The following DIS3L2 variants were observed in gnomAD, a reference collection of about 807,000 sequenced individuals.
The protein encoded by DIS3L2 is DIS3-like exonuclease 2.
In DIS3L2, 34 loss-of-function variants were observed where a neutral mutation model predicts 97.5. The ratio of observed to expected loss-of-function variants is 0.35; its 90% CI spans 0.27 to 0.46. The LOEUF (loss-of-function observed/expected upper bound fraction) is 0.46. DIS3L2 is among the 20% of genes least tolerant of loss of function. The pLI is 1.00. For missense variants in DIS3L2, 1,038 were observed against 1,146.0 expected (o/e 0.91, Z 1.36); for synonymous variants, 435 against 445.2 (o/e 0.98, Z 0.29).
At chr2:232,031,297 C>G (rs1694796389) in intron 5 of DIS3L2, among the ~76,000 whole-genome samples, 1 of 152,104 alleles carries the variant, frequency 6.6e-6, no homozygotes, top group African/African-American at 2.4e-5. Flanking sequence ...TAATCTGATA[C>G]AGCTAAAGTA....
At chr2:232,114,481 G>C (rs769214975) in intron 6 of DIS3L2, among the ~76,000 whole-genome samples, 3 of 152,166 alleles carry the variant, frequency 2.0e-5, no homozygotes, top group Non-Finnish European at 4.4e-5. Context: ...CATGGATTCA[G>C]GTTGTGATTA....
At chr2:232,206,783 TAGAG>T (rs1692038052) in intron 9 of DIS3L2, among the ~76,000 whole-genome samples, 1 of 152,200 alleles carries the variant, frequency 6.6e-6, no homozygotes, top group African/African-American at 2.4e-5. Context: ...TTAAAGGTAA[TAGAG>T]AGTTGGTTTG....
intron 10 of DIS3L2, among the ~76,000 whole-genome samples, chr2:232,227,418 C>G (rs1215056250): frequency 6.6e-6 from 1 of 152,154 alleles, no homozygotes; most frequent in East Asian, 1.9e-4. Flanking sequence ...AGAGATGCGT[C>G]TCATAGCATT....
At chr2:232,341,420 A>G (rs866277003), downstream of DIS3L2, among the ~76,000 whole-genome samples, 16 of 152,378 alleles carry the variant, frequency 1.1e-4, 1 homozygote, top group Middle Eastern at 0.017. Context: ...TAGTACATAC[A>G]GAATGATCCA....
chr2:232,238,492 C>T lies in DIS3L2; in HGVS notation c.1205-41C>T, dbSNP rs758376014. 7.1e-6 allele frequency: 11 copies of T among 1,551,568 alleles called. No individual in the cohort carries two copies. The Admixed American group carries it at 1.5e-4, about 22-fold the overall frequency. On this transcript the variant is annotated intron_variant, in intron 10 of 20. Transcript: ENST00000325385. ...GGACTCCTGGGAGAGAATGCTGTGG[C>T]CTTCCACGCCAGCCTGATAGTCCTT...
Position 232,015,619 on chromosome 2 carries a change from A to T in DIS3L2, c.158A>T (p.Tyr53Phe), listed in dbSNP as rs755444049. The change falls in exon 3 of 21, where the codon TAC becomes TTC. Residue 53 changes from tyrosine to phenylalanine, a missense_variant. Coordinates refer to ENST00000325385, the MANE Select transcript of DIS3L2 (RefSeq NM_152383.5). ...RGKKKSIFET[Y>F]MSKEDVSEGL... ...AAGAAAAAGAGCATATTTGAAACTT[A>T]CATGTCCAAGGAGGATGTTTCAGAA... 6.2e-7 allele frequency: 1 copy of T among 1,614,026 alleles called. No individual in the cohort carries two copies. Among genetic ancestry groups the T allele is most frequent in the Non-Finnish European group, 8.5e-7 (1 of 1,179,918 alleles).
At chr2:232,341,581 A>G (rs1009896775), downstream of DIS3L2, among the ~76,000 whole-genome samples, 2 of 152,208 alleles carry the variant, frequency 1.3e-5, no homozygotes, top group African/African-American at 4.8e-5. Context: ...GCAGAACTCT[A>G]TCAGGAGGAC....
At chr2:232,184,499 A>T (rs553140763) in intron 9 of DIS3L2, among the ~76,000 whole-genome samples, 1 of 152,266 alleles carries the variant, frequency 6.6e-6, no homozygotes, top group Admixed American at 6.5e-5. Flanking sequence ...AAAATTACAA[A>T]AATTAGCTGG....
chr2:232,177,060 G>GT (rs1369868925), intron 9 of DIS3L2, among the ~76,000 whole-genome samples: 3 of 146,144 alleles, frequency 2.1e-5, no homozygotes, highest in Non-Finnish European at 4.5e-5. Flanking sequence ...GCGGTGTTTG[G>GT]TTTTTTGTTC....
At chr2:232,254,610 T>A (rs1323902464) in intron 12 of DIS3L2, among the ~76,000 whole-genome samples, 1 of 152,210 alleles carries the variant, frequency 6.6e-6, no homozygotes, top group Non-Finnish European at 1.5e-5. Context: ...AAAAGAACTT[T>A]GAGTCTGAAT....
At chr2:231,971,538 C>T (rs967679084) in intron 1 of DIS3L2, among the ~76,000 whole-genome samples, 15 of 152,094 alleles carry the variant, frequency 9.9e-5, no homozygotes, top group Non-Finnish European at 1.3e-4. Flanking sequence ...AGCTCCGCCT[C>T]CCAGGTTCAC....
chr2:232,201,645 T>C (rs1032231201), intron 9 of DIS3L2, among the ~76,000 whole-genome samples: 3 of 152,182 alleles, frequency 2.0e-5, no homozygotes, highest in African/African-American at 4.8e-5. Flanking sequence ...GGTCTATGAA[T>C]TGGGTGATAT....
chr2:232,124,210 A>G (rs1172204375), intron 6 of DIS3L2, among the ~76,000 whole-genome samples: 1 of 152,186 alleles, frequency 6.6e-6, no homozygotes, highest in East Asian at 1.9e-4. Flanking sequence ...AGAAAACACA[A>G]ACAACAGAAG....
At chr2:232,158,332 T>TGTGC (rs1690557339) in intron 8 of DIS3L2, among the ~76,000 whole-genome samples, 1 of 151,974 alleles carries the variant, frequency 6.6e-6, no homozygotes, top group African/African-American at 2.4e-5. Context: ...TGTGTGTGTG[T>TGTGC]GTGCATGTGT....
intron 1 of DIS3L2, among the ~76,000 whole-genome samples, chr2:232,012,871 T>A (rs1272138841): frequency 6.6e-6 from 1 of 152,200 alleles, no homozygotes; most frequent in Non-Finnish European, 1.5e-5. Flanking sequence ...TTCTTGGCAA[T>A]CTTATCCATT....
intron 7 of DIS3L2, among the ~76,000 whole-genome samples, chr2:232,133,864 T>TACTGGTG (rs1698283452): frequency 1.3e-5 from 2 of 151,364 alleles, no homozygotes; most frequent in Non-Finnish European, 2.9e-5. Context: ...GGCACATACC[T>TACTGGTG]GTAATCCCAG....
chr2:232,305,623 C>T (rs11685407), intron 14 of DIS3L2, among the ~76,000 whole-genome samples: 23,351 of 152,002 alleles, frequency 0.15, 2,880 homozygotes, highest in African/African-American at 0.34. Flanking sequence ...CTCACTCTTA[C>T]GTGGTTCATT....
chr2:232,010,480 T>C (rs1200536798), intron 1 of DIS3L2, among the ~76,000 whole-genome samples: 1 of 152,152 alleles, frequency 6.6e-6, no homozygotes, highest in Non-Finnish European at 1.5e-5. Context: ...ATATAAATGG[T>C]TTATTTTTCT....
At position 232,330,760 on chromosome 2, in the gene DIS3L2, G is replaced by A. The variant is rs778990530; in HGVS notation, c.1994G>A (p.Cys665Tyr). ...CGCAAGGAGGTGCTCACCAACATGT[G>A]CTCCCGGCCCATGCAGGTAAGGAGG... The part of the protein sequence containing the change: ...LARKEVLTNM[C>Y]SRPMQMALYF... The change falls in exon 16 of 21, where the codon TGC becomes TAC. Residue 665 changes from cysteine to tyrosine, a missense_variant. Coordinates refer to ENST00000325385, the MANE Select transcript of DIS3L2 (RefSeq NM_152383.5). 1.1e-4 allele frequency: 177 copies of A among 1,611,972 alleles called. No individual in the cohort carries two copies. Among genetic ancestry groups the A allele is most frequent in the Non-Finnish European group, 1.4e-4 (160 of 1,180,014 alleles).
Sources: gnomAD v4.1 joint callset for allele counts (sites outside exome capture counted in the v4.1 genomes callset) on GRCh38, gnomAD v4.1.1 for gene constraint, MANE v1.5 for transcripts, NCBI Gene and HGNC (gene_info 2026-07-23, HGNC 2026-07-21) for gene names.